Variants in TRDMT1 observed in about 807,000 individuals in gnomAD.
The protein encoded by TRDMT1 is tRNA aspartic acid methyltransferase 1.
In TRDMT1, 49 loss-of-function variants were observed where a neutral mutation model predicts 51.2. The observed-to-expected ratio is 0.96, with a 90% CI of 0.76 to 1.21. The LOEUF is 1.21. Among genes scored for constraint, TRDMT1 ranks in the 50% most tolerant of loss-of-function variants. The pLI is 0.00. For missense variants in TRDMT1, 534 were observed against 462.3 expected, an observed-to-expected ratio of 1.16 and a Z score of -1.42; for synonymous variants, 187 against 164.6, an observed-to-expected ratio of 1.14 and a Z score of -1.04.
At position 17,168,918 on chromosome 10, in the gene TRDMT1, C is replaced by T. The variant is rs1475020221; in HGVS notation, c.175-1G>A. On this transcript the variant is annotated splice_acceptor_variant, in intron 2 of 10. Coordinates refer to ENST00000377799, the MANE Select transcript of TRDMT1 (RefSeq NM_004412.7). LOFTEE classifies it high-confidence loss of function. ...TGTCAAACTCTTCGAGTGTAATGCC[C>T]TGAGGAATGAACATTTAGGGGGAAA... The T allele has an allele frequency of 6.2e-7, 1 of 1,603,336 alleles. No individual in the cohort carries two copies. The highest frequency in any genetic ancestry group is 8.5e-7 in the Non-Finnish European group (1 of 1,174,202).
intron 1 of TRDMT1, among the ~76,000 whole-genome samples, chr10:17,177,893 T>A (rs77717604): frequency 3.3e-5 from 5 of 152,102 alleles, no homozygotes; most frequent in Admixed American, 6.6e-5. Flanking sequence ...AATAAAAAAA[T>A]TTAACTGTTC....
At chr10:17,201,472 T>TCCGCCCCACAGTGC in intron 1 of TRDMT1, 99 bp downstream of exon 1, 1 of 1,313,634 alleles carries the variant, frequency 7.6e-7, no homozygotes, top group Non-Finnish European at 1.1e-6. Context: ...CCCCACAGTG[T>TCCGCCCCACAGTGC]CCGCCCCTTG....
chr10:17,162,673 T>C (rs1382233005), intron 3 of TRDMT1, among the ~76,000 whole-genome samples: 1 of 152,036 alleles, frequency 6.6e-6, no homozygotes, highest in African/African-American at 2.4e-5. Context: ...CAAAACTCCA[T>C]CTCTATTAAA....
chr10:17,159,251 T>A, intron 6 of TRDMT1, 22 bp from the exon 7 acceptor site: 1 of 1,550,036 alleles, frequency 6.5e-7, no homozygotes, highest in Non-Finnish European at 8.7e-7. Context: ...GCAAAGCAGT[T>A]AGTTACTCTA....
At chr10:17,155,881 C>A (rs1839424000) in intron 8 of TRDMT1, among the ~76,000 whole-genome samples, 1 of 152,184 alleles carries the variant, frequency 6.6e-6, no homozygotes, top group East Asian at 1.9e-4. Flanking sequence ...TCCTTTTATG[C>A]CATCTTTATA....
At chr10:17,164,814 G>T (rs1234351356) in intron 3 of TRDMT1, among the ~76,000 whole-genome samples, 3 of 152,122 alleles carry the variant, frequency 2.0e-5, no homozygotes, top group Non-Finnish European at 4.4e-5. Context: ...ACTTACAAGG[G>T]ATGTGAAGGA....
Position 17,162,179 on chromosome 10 carries a change from C to A in TRDMT1, c.310G>T (p.Asp104Tyr). The A allele has an allele frequency of 6.2e-7, 1 of 1,608,426 alleles. No homozygotes were observed. The highest frequency in any genetic ancestry group is 8.5e-7 in the Non-Finnish European group (1 of 1,177,662). Residue 104 changes from aspartate to tyrosine, a missense_variant, in exon 4 of 11, where the codon GAT (aspartate) becomes TAT (tyrosine). Transcript: ENST00000377799. The stretch of plus-strand genomic sequence containing the variant: ...CTAAGTTTTTACCTTGGGAGAATAT[C>A]TAGAATATGTAAGAAGCTATTCGTC... Reference protein sequence around the residue: ...SRTNSFLHILDILPRLQKLPK... With the variant: ...SRTNSFLHILYILPRLQKLPK...
rs1165143136 is a variant in TRDMT1 at position 17,157,762 on chromosome 10, A to C, written c.566T>G (p.Ile189Ser). The C allele has an allele frequency of 6.3e-7, 1 of 1,596,432 alleles. No homozygotes were observed. Among genetic ancestry groups the C allele is most frequent in the East Asian group, 2.2e-5 (1 of 44,690 alleles). Residue 189 changes from isoleucine (I) to serine (S), a missense_variant, in exon 8 of 11, where the codon ATT becomes AGT. Physicochemically the swap from Ile to Ser is moderately radical, Grantham distance 142. Coordinates refer to ENST00000377799, the MANE Select transcript of TRDMT1 (RefSeq NM_004412.7). ...PGQVLMEFPK[I>S]ESVHPQKYAM... ...ATATTTTTGTGGATGTACAGATTCAATTTTGGGGAACTCCATCAGTACCTG... is the reference window on the plus strand; with the variant it reads ...ATATTTTTGTGGATGTACAGATTCACTTTTGGGGAACTCCATCAGTACCTG...
chr10:17,161,572 A>T (rs1173336138), intron 4 of TRDMT1, 24 bp from the exon 5 acceptor site: 1 of 1,151,808 alleles, frequency 8.7e-7, no homozygotes, highest in Non-Finnish European at 1.2e-6. Context: ...AACAAATGGA[A>T]TTCTAAATAT....
chr10:17,163,821 A>C (rs1055467201), intron 3 of TRDMT1, among the ~76,000 whole-genome samples: 2 of 152,242 alleles, frequency 1.3e-5, no homozygotes, highest in Non-Finnish European at 2.9e-5. Context: ...AACCAGGAAG[A>C]AGTTGAATCT....
chr10:17,155,812 T>A (rs1839417570), intron 8 of TRDMT1, among the ~76,000 whole-genome samples: 1 of 152,194 alleles, frequency 6.6e-6, no homozygotes, highest in South Asian at 2.1e-4. Context: ...ATATTACACA[T>A]ATAAATACGT....
In TRDMT1 at chr10:17,201,654, C is replaced by T; in HGVS notation, c.-20G>A. On this transcript the variant is annotated 5_prime_UTR_variant, in exon 1 of 11. Transcript: ENST00000377799. ...CTCCATCCCCGCGCCTCAGCCGCCG[C>T]AGCCCCGGAGCTAGGCCTGCCGGTC... 1.3e-6 allele frequency: 2 copies of T among 1,538,756 alleles called. No individual in the cohort carries two copies. Among genetic ancestry groups the T allele is most frequent in the South Asian group, 1.2e-5 (1 of 83,486 alleles).
At chr10:17,192,483 C>G (rs1844821786) in intron 1 of TRDMT1, among the ~76,000 whole-genome samples, 1 of 152,166 alleles carries the variant, frequency 6.6e-6, no homozygotes, top group South Asian at 2.1e-4. Flanking sequence ...CTTTCACAAC[C>G]CCAGCATCTC....
intron 1 of TRDMT1, among the ~76,000 whole-genome samples, chr10:17,190,248 G>T (rs1301177975): frequency 6.6e-6 from 1 of 152,000 alleles, no homozygotes; most frequent in Non-Finnish European, 1.5e-5. Flanking sequence ...ATGTTCCATG[G>T]GAAAGCAAAA....
intron 10 of TRDMT1, chr10:17,150,331 T>C: frequency 2.1e-6 from 2 of 963,272 alleles, no homozygotes; most frequent in African/African-American, 3.5e-5. Context: ...ATTTCTCTTT[T>C]TTTAATTGTT....
chr10:17,186,902 T>C (rs1367112656), intron 1 of TRDMT1, among the ~76,000 whole-genome samples: 1 of 152,216 alleles, frequency 6.6e-6, no homozygotes, highest in Non-Finnish European at 1.5e-5. Context: ...CAAGATATTC[T>C]AAGTAAAGAA....
At chr10:17,169,547 T>G (rs1841687625) in intron 2 of TRDMT1, 1 of 1,289,042 alleles carries the variant, frequency 7.8e-7, no homozygotes, top group Non-Finnish European at 1.0e-6. Context: ...TTTCTATATC[T>G]CAGAAGACAA....
At position 17,143,072 on chromosome 10, in the gene TRDMT1, T is replaced by C. The variant is rs2131351487; in HGVS notation, c.*5968A>G. 1 of 985,432 alleles carries C rather than the reference T, an allele frequency of 1.0e-6. No individual in the cohort carries two copies. The highest frequency in any genetic ancestry group is 4.7e-5 in the South Asian group (1 of 21,280). The allele number at this position is 985,432 out of a possible 1,614,324, so 61.0% of individuals were successfully genotyped here. A position where few individuals can be genotyped will look rare whatever the true frequency, so the allele number is the denominator to read the frequency against. On this transcript the variant is annotated 3_prime_UTR_variant, in exon 11 of 11. Coordinates refer to ENST00000377799, the MANE Select transcript of TRDMT1 (RefSeq NM_004412.7). ...TTTTTTAAATCATGTGTTCCAGACT[T>C]GAGTAACTTTGGCTGTTCCTCTGGG...
In TRDMT1 at chr10:17,201,641, G is replaced by A; in HGVS notation, c.-7C>T. 1 of 1,540,196 alleles carries A rather than the reference G, an allele frequency of 6.5e-7. No homozygotes were observed. Among genetic ancestry groups the A allele is most frequent in the South Asian group, 1.2e-5 (1 of 83,454 alleles). ...GCACCCGCAGGGGCTCCATCCCCGC[G>A]CCTCAGCCGCCGCAGCCCCGGAGCT... On this transcript the variant is annotated 5_prime_UTR_variant, in exon 1 of 11. Coordinates refer to ENST00000377799, the MANE Select transcript of TRDMT1 (RefSeq NM_004412.7).
Sources: allele counts gnomAD v4.1 joint callset (sites outside exome capture counted in the v4.1 genomes callset), GRCh38; gene constraint gnomAD v4.1.1; transcripts MANE v1.5; gene names NCBI Gene and HGNC (gene_info 2026-07-23, HGNC 2026-07-21).